FBXO21: variants seen among roughly 807,000 people sequenced by gnomAD.
FBXO21 encodes F-box only protein 21.
Under a neutral mutation model 76.6 loss-of-function variants are expected in FBXO21, and 32 were observed. That is an observed-to-expected ratio of 0.42 (90% CI 0.32 to 0.56). FBXO21 has a LOEUF of 0.56. Ranked by LOEUF, FBXO21 falls within the 20% of genes least tolerant of loss-of-function variation. The pLI is 0.16. For missense variants in FBXO21, 586 were observed against 797.3 expected (o/e 0.73, Z 3.19); for synonymous variants, 328 against 311.5 (o/e 1.05, Z -0.56).
chr12:117,152,345 A>G (rs1228196209), intron 11 of FBXO21, among the ~76,000 whole-genome samples: 1 of 152,090 alleles, frequency 6.6e-6, no homozygotes, highest in South Asian at 2.1e-4. Context: ...GCATGCCTGC[A>G]GTCCCAGCTA....
intron 11 of FBXO21, among the ~76,000 whole-genome samples, chr12:117,148,976 T>C (rs1955809431): frequency 6.6e-6 from 1 of 152,204 alleles, no homozygotes. Context: ...AACAAAATGC[T>C]GCAAATGTTT....
At position 117,142,526 on chromosome 12, in the gene FBXO21, T is replaced by G. The variant is rs1212005168; in HGVS notation, c.*3561A>C. The stretch of plus-strand genomic sequence containing the variant: ...TGCTTTATAGGATTGCTGGGAGGAT[T>G]ACAAAGACTTTATTAGGCCAGTGCC... On this transcript the variant is annotated 3_prime_UTR_variant, in exon 12 of 12. Transcript: ENST00000622495. 6.6e-6 allele frequency: 1 copy of G among 152,124 alleles called. No individual in the cohort carries two copies. Among genetic ancestry groups the G allele is most frequent in the East Asian group, 1.9e-4 (1 of 5,204 alleles). The allele number at this position is 152,124 out of a possible 1,614,324, so 9.4% of individuals were successfully genotyped here. A position where few individuals can be genotyped will look rare whatever the true frequency, so the allele number is the denominator to read the frequency against.
chr12:117,153,789 C>A (rs141831348), intron 11 of FBXO21, among the ~76,000 whole-genome samples: 521 of 152,338 alleles, frequency 3.4e-3, no homozygotes, highest in African/African-American at 0.012. Flanking sequence ...ATTCAAGAAG[C>A]CAATTTGCTA....
In FBXO21 at chr12:117,152,968, G is replaced by A. The variant is rs141742024; in HGVS notation, c.1675+2823C>T. 9.2e-5 allele frequency among the ~76,000 whole-genome samples: 14 copies of A among 152,230 alleles called. No individual in the cohort carries two copies. The East Asian group carries it at 2.7e-3, about 29-fold the overall frequency. On this transcript the variant is annotated intron_variant, in intron 11 of 11. Coordinates refer to ENST00000622495, the MANE Select transcript of FBXO21 (RefSeq NM_015002.3). The stretch of plus-strand genomic sequence containing the variant: ...AAAGAAGATGAACGGAAGTGGGCTG[G>A]AGTATGTCAGGCGTGGGAACCGTGC...
Position 117,190,225 on chromosome 12 carries a change from G to A in FBXO21, c.232C>T (p.Arg78Trp), listed in dbSNP as rs750499953. 3.3e-6 allele frequency: 5 copies of A among 1,502,208 alleles called. No individual in the cohort carries two copies. In the Admixed American group the frequency reaches 1.0e-4, roughly 31 times the overall value. The allele number at this position is 1,502,208 out of a possible 1,614,324, so 93.1% of individuals were successfully genotyped here. Residue 78 changes from arginine to tryptophan, a missense_variant, in exon 1 of 12, where the codon CGG becomes TGG. This residue lies in a region of FBXO21 where 152 missense variants were observed against 127.2 expected (regional missense o/e 1.19). Coordinates refer to ENST00000622495, the MANE Select transcript of FBXO21 (RefSeq NM_015002.3). Reference sequence around the variant, plus strand: ...GCGGGGCCGCTGGCTCACCTCACCCGGAACTGCTCCTTCCACACCTTCCCG... The same window carrying A: ...GCGGGGCCGCTGGCTCACCTCACCCAGAACTGCTCCTTCCACACCTTCCCG... ...SSGKVWKEQF[R>W]VRWPSLMKHY... is the part of the protein sequence containing the mutation.
chr12:117,155,384 T>G, intron 11 of FBXO21: 1 of 187,698 alleles, frequency 5.3e-6, no homozygotes, highest in Non-Finnish European at 1.1e-5. Flanking sequence ...CACGAGGGCA[T>G]CTCCGGCGTC....
At chr12:117,150,449 C>T (rs1955824417) in intron 11 of FBXO21, among the ~76,000 whole-genome samples, 1 of 152,204 alleles carries the variant, frequency 6.6e-6, no homozygotes, top group Non-Finnish European at 1.5e-5. Flanking sequence ...CGCTGCAGTC[C>T]TCCTGTGAGC....
intron 3 of FBXO21, among the ~76,000 whole-genome samples, chr12:117,185,470 G>A (rs563845828): frequency 1.3e-5 from 2 of 152,328 alleles, no homozygotes; most frequent in East Asian, 3.9e-4. Flanking sequence ...AAAGTTTTCA[G>A]AACTTTTAGA....
intron 11 of FBXO21, among the ~76,000 whole-genome samples, chr12:117,152,583 AG>A (rs1382897294): frequency 1.2e-4 from 19 of 152,168 alleles, no homozygotes; most frequent in African/African-American, 3.6e-4. Flanking sequence ...GAGACTAAAG[AG>A]AAAAAAAACA....
Position 117,189,278 on chromosome 12 carries a change from T to C in FBXO21, c.324A>G (p.Leu108=), listed in dbSNP as rs1956320694. 6.2e-7 allele frequency: 1 copy of C among 1,614,232 alleles called. No individual in the cohort carries two copies. ...ACGAGGCTACAATCTTCCGCGCTTC[T>C]AACCCAGCTTTTTGCCGAACTTTAT... The part of the protein sequence containing the change: ...EEYKVRQKAG[L]EARKIVASFS... The change falls in exon 2 of 12, where the codon TTA becomes TTG. Residue 108 remains leucine, a synonymous_variant. Coordinates refer to ENST00000622495, the MANE Select transcript of FBXO21 (RefSeq NM_015002.3).
At chr12:117,151,427 T>C (rs1332880021) in intron 11 of FBXO21, among the ~76,000 whole-genome samples, 1 of 152,212 alleles carries the variant, frequency 6.6e-6, no homozygotes, top group Non-Finnish European at 1.5e-5. Flanking sequence ...ATGTATGTGA[T>C]TTCTAATTCA....
rs1258600403 is a variant in FBXO21 at position 117,174,718 on chromosome 12, G to A, written c.672C>T (p.Ile224=). 1.3e-5 allele frequency: 21 copies of A among 1,614,086 alleles called. No homozygotes were observed. The highest frequency in any genetic ancestry group is 2.2e-5 in the South Asian group (2 of 91,084). The stretch of plus-strand genomic sequence containing the variant: ...GAAGGGTTTTGCAAACAAGCTCCAC[G>A]ATGCTGTCAATTTGGGCCTGGATGT... ...LKDIQAQIDS[I]VELVCKTLRG... The change falls in exon 5 of 12, where the codon ATC becomes ATT. Residue 224 remains isoleucine (I), a synonymous_variant. Transcript: ENST00000622495.
chr12:117,168,501 G>C lies in FBXO21; in HGVS notation c.1014-1424C>G, dbSNP rs7972691. Among the ~76,000 whole-genome samples, 1,126 of 151,846 alleles carry C rather than the reference G, an allele frequency of 7.4e-3. 12 individuals carry two copies. Among genetic ancestry groups the C allele is most frequent in the African/African-American group, 0.026 (1,057 of 41,386 alleles). On this transcript the variant is annotated intron_variant, in intron 7 of 11. Transcript: ENST00000622495. ...ATCGCACCACTGCCCTCCAGCCTGG[G>C]TGACAAAGTGAGACTCCATCTCAAA...
chr12:117,154,692 C>T (rs569405003), intron 11 of FBXO21, among the ~76,000 whole-genome samples: 12 of 152,206 alleles, frequency 7.9e-5, no homozygotes, highest in Non-Finnish European at 1.5e-4. Flanking sequence ...AACTCCTGAG[C>T]TCAAGCAATC....
intron 6 of FBXO21, among the ~76,000 whole-genome samples, 161 bp from the exon 7 acceptor site, chr12:117,172,768 T>C (rs1042127467): frequency 2.6e-5 from 4 of 152,246 alleles, no homozygotes; most frequent in Non-Finnish European, 4.4e-5. Context: ...GGGTAAACTA[T>C]GGTCCATGGC....
intron 3 of FBXO21, among the ~76,000 whole-genome samples, chr12:117,183,738 G>A (rs1388259138): frequency 5.3e-5 from 8 of 152,180 alleles, no homozygotes; most frequent in East Asian, 1.9e-4. Context: ...CACTGTCTCC[G>A]CATTGTCCTT....
intron 4 of FBXO21, among the ~76,000 whole-genome samples, chr12:117,175,483 G>A (rs1956163829): frequency 6.6e-6 from 1 of 152,196 alleles, no homozygotes; most frequent in Admixed American, 6.5e-5. Flanking sequence ...CGTTATGTGG[G>A]AAGCTCTCGA....
At chr12:117,157,223 G>C (rs1315310282) in intron 10 of FBXO21, among the ~76,000 whole-genome samples, 1 of 151,762 alleles carries the variant, frequency 6.6e-6, no homozygotes, top group Non-Finnish European at 1.5e-5. Context: ...AAAATGAAAT[G>C]TTTGAATAGG....
In FBXO21 at chr12:117,177,750, G is replaced by A. The variant is rs986598384; in HGVS notation, c.471-109C>T. On this transcript the variant is annotated intron_variant, in intron 3 of 11. Transcript: ENST00000622495. ...TTGCTTAACAAGAAAAATATAATTG[G>A]TTCATTCTCTTATAATAATTATAAT... The A allele has an allele frequency of 6.9e-5, 55 of 801,036 alleles. No homozygotes were observed. The African/African-American group carries it at 9.2e-4, about 13-fold the overall frequency. The allele number at this position is 801,036 out of a possible 1,614,324, so 49.6% of individuals were successfully genotyped here. A position where few individuals can be genotyped will look rare whatever the true frequency, so the allele number is the denominator to read the frequency against.
Sources: allele counts gnomAD v4.1 joint callset (sites outside exome capture counted in the v4.1 genomes callset), GRCh38; gene constraint gnomAD v4.1.1; regional missense constraint gnomAD v4.1.1; transcripts MANE v1.5; gene names NCBI Gene and HGNC (gene_info 2026-07-23, HGNC 2026-07-21).